Variants in HBE1 observed in about 807,000 individuals in gnomAD.
HBE1 encodes the protein hemoglobin subunit epsilon.
A neutral mutation model predicts 12.1 loss-of-function variants in HBE1; 10 were observed. The ratio of observed to expected loss-of-function variants is 0.83; its 90% CI spans 0.51 to 1.40. HBE1 has a LOEUF of 1.40. HBE1 is among the 40% of genes most tolerant of loss of function. HBE1 has a pLI of 0.00. For missense variants in HBE1, 172 were observed against 175.8 expected (o/e 0.98, Z 0.12); for synonymous variants, 78 against 70.4 (o/e 1.11, Z -0.54).
In HBE1 at chr11:5,269,556, G is replaced by A; in HGVS notation, c.213C>T (p.Ser71=). ...VKAHGKKVLT[S]FGDAIKNMDN... is the part of the protein sequence containing the mutation. ...CCATGTTTTTAATAGCATCTCCAAAGGAAGTCAGCACCTTCTTGCCATGGG... is the reference window on the plus strand; with the variant it reads ...CCATGTTTTTAATAGCATCTCCAAAAGAAGTCAGCACCTTCTTGCCATGGG... The change falls in exon 2 of 3, where the codon TCC becomes TCT. Residue 71 remains serine, a synonymous_variant. Coordinates refer to ENST00000396895, the MANE Select transcript of HBE1 (RefSeq NM_005330.4). 1 of 1,613,966 alleles carries A rather than the reference G, an allele frequency of 6.2e-7. No homozygotes were observed. The highest frequency in any genetic ancestry group is 1.7e-5 in the Admixed American group (1 of 60,004).
intron 1 of HBE1, 22 bp from the exon 2 acceptor site, chr11:5,269,698 G>C (rs1848170954): frequency 6.3e-7 from 1 of 1,590,130 alleles, no homozygotes; most frequent in Admixed American, 1.7e-5. Context: ...CACCATATCA[G>C]ATACAAAATT....
rs1848158185 is a variant in HBE1, at chr11:5,268,518, T to C, written c.395A>G (p.Gln132Arg). ...EFTPEVQAAW[Q>R]KLVSAVAIAL... ...AATGGCGACAGCAGACACCAGCTTCTGCCAGGCAGCCTGCACTTCAGGGGT... is the reference window on the plus strand; with the variant it reads ...AATGGCGACAGCAGACACCAGCTTCCGCCAGGCAGCCTGCACTTCAGGGGT... The change falls in exon 3 of 3, where the codon CAG becomes CGG. Residue 132 changes from glutamine to arginine, a missense_variant. Gln to Arg is a conservative substitution (Grantham distance 43, BLOSUM62 1). Coordinates refer to ENST00000396895, the MANE Select transcript of HBE1 (RefSeq NM_005330.4). The C allele has an allele frequency of 6.2e-7, 1 of 1,613,938 alleles. No homozygotes were observed. The highest frequency in any genetic ancestry group is 8.5e-7 in the Non-Finnish European group (1 of 1,179,816).
chr11:5,269,806 A>C lies in HBE1; in HGVS notation c.85T>G (p.Leu29Val). Residue 29 changes from leucine to valine, a missense_variant, in exon 1 of 3, where the codon TTG becomes GTG. Transcript: ENST00000396895. ...MNVEEAGGEALGRLLVVYPWT... is the reference protein window; with the variant it reads ...MNVEEAGGEAVGRLLVVYPWT... ...TTGAGAACCAATGCTTACCTGCCCA[A>C]GGCTTCACCTCCAGCCTCTTCCACA... 6.2e-7 allele frequency: 1 copy of C among 1,612,210 alleles called. No individual in the cohort carries two copies. The highest frequency in any genetic ancestry group is 8.5e-7 in the Non-Finnish European group (1 of 1,178,282).
At chr11:5,268,686 A>C (rs201985359) in intron 2 of HBE1, 89 bp from the exon 3 acceptor site, 1,008 of 535,526 alleles carry the variant, frequency 1.9e-3, no homozygotes, top group Non-Finnish European at 2.1e-3. Context: ...AACAAACAAA[A>C]ACGGCTTTAT....
At position 5,268,682 on chromosome 11, in the gene HBE1, C is replaced by A; in HGVS notation, c.316-85G>T. The A allele has an allele frequency of 5.2e-6, 7 of 1,350,036 alleles. No homozygotes were observed. In the Admixed American group the frequency reaches 1.1e-4, roughly 20 times the overall value. The allele number at this position is 1,350,036 out of a possible 1,614,324, so 83.6% of individuals were successfully genotyped here. A position where few individuals can be genotyped will look rare whatever the true frequency, so the allele number is the denominator to read the frequency against. ...CTTGATGAAAAAACAAACAAACAAA[C>A]AAAAACGGCTTTATACCTACATTCC... On this transcript the variant is annotated intron_variant, in intron 2 of 2. Transcript: ENST00000396895.
At chr11:5,268,637 G>A (rs1848159594) in intron 2 of HBE1, 40 bp from the exon 3 acceptor site, 5 of 1,549,832 alleles carry the variant, frequency 3.2e-6, no homozygotes, top group East Asian at 4.8e-5. Flanking sequence ...GGCATGTTGA[G>A]TAGAAGTTTC....
At chr11:5,268,730 GTTCCAAGGT>G in intron 2 of HBE1, 133 bp from the exon 3 acceptor site, 1 of 798,932 alleles carries the variant, frequency 1.3e-6, no homozygotes. Flanking sequence ...ACCTCAAACT[GTTCCAAGGT>G]TTGTGCCCAC....
At chr11:5,268,686 A>AAC in intron 2 of HBE1, 89 bp from the exon 3 acceptor site, 8 of 536,652 alleles carry the variant, frequency 1.5e-5, no homozygotes, top group East Asian at 4.3e-5. Flanking sequence ...AACAAACAAA[A>AAC]ACGGCTTTAT....
intron 2 of HBE1, among the ~76,000 whole-genome samples, chr11:5,269,064 C>T (rs750636110): frequency 6.6e-6 from 1 of 151,594 alleles, no homozygotes; most frequent in Non-Finnish European, 1.5e-5. Context: ...ATTTTTTTTG[C>T]AAAAATCTCT....
chr11:5,269,013 T>C (rs550212180), intron 2 of HBE1, among the ~76,000 whole-genome samples: 167 of 152,342 alleles, frequency 1.1e-3, no homozygotes, highest in Non-Finnish European at 2.1e-3. Context: ...ATTTAACATA[T>C]TTTAGAAAAT....
rs902024274 is a variant in HBE1 at position 5,268,385 on chromosome 11, G to C, written c.*84C>G. 8.2e-7 allele frequency: 1 copy of C among 1,224,146 alleles called. No individual in the cohort carries two copies. Among genetic ancestry groups the C allele is most frequent in the South Asian group, 1.6e-5 (1 of 62,180 alleles). 75.8% of individuals were successfully genotyped at this position (1,224,146 alleles called of 1,614,324 possible). On this transcript the variant is annotated 3_prime_UTR_variant, in exon 3 of 3. Transcript: ENST00000396895. ...GAAAATGTACTTTATTAAACAGAAGGCTTTCTCTCAAGGCCAAGCCCAGTC... is the reference window on the plus strand; with the variant it reads ...GAAAATGTACTTTATTAAACAGAAGCCTTTCTCTCAAGGCCAAGCCCAGTC...
Position 5,269,935 on chromosome 11 carries a change from A to G in HBE1, c.-45T>C. ...TGCTAGTGATTGCAGCTGTGTCGGA[A>G]GCAGATATGTGCTGCTGCCTCTCTG... On this transcript the variant is annotated 5_prime_UTR_variant, in exon 1 of 3. Transcript: ENST00000396895. The G allele has an allele frequency of 7.3e-7, 1 of 1,368,532 alleles. No individual in the cohort carries two copies. Among genetic ancestry groups the G allele is most frequent in the East Asian group, 2.3e-5 (1 of 43,712 alleles). The allele number at this position is 1,368,532 out of a possible 1,614,324, so 84.8% of individuals were successfully genotyped here. A position where few individuals can be genotyped will look rare whatever the true frequency, so the allele number is the denominator to read the frequency against.
chr11:5,268,432 T>C lies in HBE1; in HGVS notation c.*37A>G, dbSNP rs765954218. 4.4e-5 allele frequency: 70 copies of C among 1,597,558 alleles called. 1 individual carries two copies. In the Admixed American group the frequency reaches 1.0e-3, roughly 23 times the overall value. ...AGTCCCCATGTGCAGAAGGAGGGTG[T>C]CAGGGTCACAGGAACACCTGCAAAC... is the stretch of plus-strand genomic sequence containing the variant. On this transcript the variant is annotated 3_prime_UTR_variant, in exon 3 of 3. Coordinates refer to ENST00000396895, the MANE Select transcript of HBE1 (RefSeq NM_005330.4).
intron 1 of HBE1, 23 bp downstream of exon 1, chr11:5,269,776 A>C: frequency 6.3e-7 from 1 of 1,587,396 alleles, no homozygotes; most frequent in Non-Finnish European, 8.7e-7. Flanking sequence ...CTTCATTCCC[A>C]TGCATTGAGA....
In HBE1 at chr11:5,269,884, G is replaced by A. The variant is rs556574854; in HGVS notation, c.7C>T (p.His3Tyr). 3.3e-5 allele frequency: 53 copies of A among 1,610,964 alleles called. No homozygotes were observed. The highest frequency in any genetic ancestry group is 6.7e-5 in the Admixed American group (4 of 59,976). MV[H>Y]FTAEEKAAVT... ...GCAGCCTTCTCCTCAGCAGTAAAAT[G>A]CACCATGATGCCAGGCCTGAGAGCT... Residue 3 changes from histidine (H) to tyrosine (Y), a missense_variant, in exon 1 of 3, where the codon CAT (histidine) becomes TAT (tyrosine). Coordinates refer to ENST00000396895, the MANE Select transcript of HBE1 (RefSeq NM_005330.4).
In HBE1 at chr11:5,268,579, C is replaced by T; in HGVS notation, c.334G>A (p.Val112Met). Residue 112 changes from valine to methionine, a missense_variant, in exon 3 of 3, where the codon GTG becomes ATG. Val to Met is a conservative substitution (Grantham distance 21). Coordinates refer to ENST00000396895, the MANE Select transcript of HBE1 (RefSeq NM_005330.4). ...CCAAAGTGAGTAGCCAGAATAATCACCATCACGTTACCCAGGAGCTGTTAG... is the reference window on the plus strand; with the variant it reads ...CCAAAGTGAGTAGCCAGAATAATCATCATCACGTTACCCAGGAGCTGTTAG... Reference protein sequence around the residue: ...ENFKLLGNVMVIILATHFGKE... With the variant: ...ENFKLLGNVMMIILATHFGKE... The T allele has an allele frequency of 6.2e-7, 1 of 1,613,750 alleles. No individual in the cohort carries two copies. The highest frequency in any genetic ancestry group is 8.5e-7 in the Non-Finnish European group (1 of 1,179,694).
At position 5,268,547 on chromosome 11, in the gene HBE1, C is replaced by A. The variant is rs771648011; in HGVS notation, c.366G>T (p.Glu122Asp). Residue 122 changes from glutamate to aspartate, a missense_variant, in exon 3 of 3, where the codon GAG (glutamate) becomes GAT (aspartate). Transcript: ENST00000396895. ...VIILATHFGK[E>D]FTPEVQAAWQ... is the part of the protein sequence containing the mutation. ...AGGCAGCCTGCACTTCAGGGGTGAACTCCTTGCCAAAGTGAGTAGCCAGAA... is the reference window on the plus strand; with the variant it reads ...AGGCAGCCTGCACTTCAGGGGTGAAATCCTTGCCAAAGTGAGTAGCCAGAA... 6.2e-7 allele frequency: 1 copy of A among 1,613,856 alleles called. No individual in the cohort carries two copies.
In HBE1 at chr11:5,269,643, A is replaced by C. The variant is rs764335076; in HGVS notation, c.126T>G (p.Phe42Leu). Residue 42 changes from phenylalanine to leucine, a missense_variant, in exon 2 of 3, where the codon TTT becomes TTG. Transcript: ENST00000396895. ...ACGACAGGTTTCCAAAGCTGTCAAA[A>C]AATCTCTGGGTCCAGGGGTAAACAA... ...LLVVYPWTQR[F>L]FDSFGNLSSP... 5 of 1,613,614 alleles carry C rather than the reference A, an allele frequency of 3.1e-6. No homozygotes were observed. In the South Asian group the frequency reaches 5.5e-5, roughly 18 times the overall value.
At chr11:5,268,662 T>C in intron 2 of HBE1, 65 bp from the exon 3 acceptor site, 2 of 1,173,260 alleles carry the variant, frequency 1.7e-6, no homozygotes, top group Non-Finnish European at 2.3e-6. Flanking sequence ...AACAACTTGA[T>C]GAAAAAACAA....
Sources: gnomAD v4.1 joint callset for allele counts (sites outside exome capture counted in the v4.1 genomes callset) on GRCh38, gnomAD v4.1.1 for gene constraint, MANE v1.5 for transcripts, NCBI Gene and HGNC (gene_info 2026-07-23, HGNC 2026-07-21) for gene names.